The following DPYD variants were observed in gnomAD, a reference collection of about 807,000 sequenced individuals.
The protein encoded by DPYD is dihydropyrimidine dehydrogenase [NADP(+)].
In DPYD, 109 loss-of-function variants were observed where a neutral mutation model predicts 116.2. The ratio of observed to expected loss-of-function variants is 0.94; its 90% confidence interval spans 0.80 to 1.10. The LOEUF (loss-of-function observed/expected upper bound fraction) is 1.10, where lower values mean the gene tolerates loss of function less well. Among genes scored for constraint, DPYD ranks in the 50% least tolerant of loss-of-function variants. The pLI is 0.00. For missense variants in DPYD, 1,302 were observed against 1,254.5 expected (o/e 1.04, Z -0.57); for synonymous variants, 440 against 432.0 (o/e 1.02, Z -0.23).
At chr1:97,217,123 G>A (rs951555923) in intron 19 of DPYD, among the ~76,000 whole-genome samples, 3 of 152,036 alleles carry the variant, frequency 2.0e-5, no homozygotes, top group Non-Finnish European at 2.9e-5. Flanking sequence ...CAGGAGAATC[G>A]CTTGAACACG....
intron 4 of DPYD, among the ~76,000 whole-genome samples, chr1:97,735,727 T>TAAAA (rs922817947): frequency 7.6e-4 from 100 of 131,026 alleles, no homozygotes; most frequent in Non-Finnish European, 1.4e-3. Flanking sequence ...AATAAATAAA[T>TAAAA]AAAACAATAA....
chr1:97,278,183 T>C (rs1451644307), intron 18 of DPYD, among the ~76,000 whole-genome samples: 2 of 152,220 alleles, frequency 1.3e-5, no homozygotes, highest in East Asian at 3.8e-4. Flanking sequence ...TTCTAAAATG[T>C]TTCTTTCTGT....
At chr1:97,349,945 C>CAAA (rs71939887) in intron 16 of DPYD, among the ~76,000 whole-genome samples, 76,899 of 134,426 alleles carry the variant, frequency 0.57, 24,388 homozygotes, top group Non-Finnish European at 0.71. Flanking sequence ...TAAAAGAATC[C>CAAA]AAAAAAAAAA....
At chr1:97,758,856 T>A (rs191860195) in intron 3 of DPYD, among the ~76,000 whole-genome samples, 1 of 152,118 alleles carries the variant, frequency 6.6e-6, no homozygotes, top group African/African-American at 2.4e-5. Context: ...AACCAAAAGA[T>A]CTGGTCTGGA....
At chr1:97,278,451 T>G (rs531379148) in intron 18 of DPYD, among the ~76,000 whole-genome samples, 113 of 152,310 alleles carry the variant, frequency 7.4e-4, no homozygotes, top group Non-Finnish European at 1.3e-3. Context: ...CCATTGTTGT[T>G]GATAATGTGC....
At chr1:97,323,643 GTGT>G (rs1668537730) in intron 16 of DPYD, among the ~76,000 whole-genome samples, 1 of 45,272 alleles carries the variant, frequency 2.2e-5, no homozygotes, top group Non-Finnish European at 5.2e-5. Flanking sequence ...ATACATATAT[GTGT>G]ATATATACAC....
intron 8 of DPYD, among the ~76,000 whole-genome samples, chr1:97,642,758 C>T (rs904584922): frequency 2.0e-4 from 29 of 147,204 alleles, no homozygotes; most frequent in Middle Eastern, 3.3e-3. Context: ...GGAGGGATAG[C>T]TTTAGGAGAT....
chr1:97,307,799 A>G (rs1017138597), intron 16 of DPYD, among the ~76,000 whole-genome samples: 3 of 151,970 alleles, frequency 2.0e-5, no homozygotes, highest in African/African-American at 7.2e-5. Flanking sequence ...TGAAATATTT[A>G]TAACCACTGC....
chr1:97,453,253 A>G (rs968575937), intron 13 of DPYD, among the ~76,000 whole-genome samples: 1 of 152,066 alleles, frequency 6.6e-6, no homozygotes, highest in Non-Finnish European at 1.5e-5. Flanking sequence ...TAGGATTTAA[A>G]TAGAATGCCC....
At chr1:97,128,334 A>AT (rs896474274) in intron 20 of DPYD, among the ~76,000 whole-genome samples, 21 of 151,598 alleles carry the variant, frequency 1.4e-4, no homozygotes, top group South Asian at 4.2e-4. Flanking sequence ...GCCATTGCTG[A>AT]TTTTTTTTTA....
At chr1:97,790,953 T>C (rs955483559) in intron 3 of DPYD, among the ~76,000 whole-genome samples, 8 of 152,222 alleles carry the variant, frequency 5.3e-5, no homozygotes, top group Non-Finnish European at 2.9e-5. Context: ...ATTTTATGAA[T>C]AGATAAGTTA....
intron 14 of DPYD, among the ~76,000 whole-genome samples, chr1:97,438,830 A>T (rs894613643): frequency 6.6e-6 from 1 of 152,108 alleles, no homozygotes; most frequent in Non-Finnish European, 1.5e-5. Flanking sequence ...CAGATAATCA[A>T]ATTGTATATA....
Position 97,828,265 on chromosome 1 carries a change from C to T in DPYD, c.151-69G>A, listed in dbSNP as rs115632870. On this transcript the variant is annotated intron_variant, in intron 2 of 22. Coordinates refer to ENST00000370192, the MANE Select transcript of DPYD (RefSeq NM_000110.4). ...GAAAAATTGTATCTATGCAGTTATG[C>T]AAAAATGTAATTGATTATATTGATC... 1,821 of 1,422,066 alleles carry T rather than the reference C, an allele frequency of 1.3e-3. 24 individuals are homozygous for T. In the African/African-American group the frequency reaches 0.023, roughly 18 times the overall value. 88.1% of individuals were successfully genotyped at this position (1,422,066 alleles called of 1,614,324 possible).
chr1:97,409,145 G>A (rs1488292739), intron 14 of DPYD, among the ~76,000 whole-genome samples: 1 of 152,012 alleles, frequency 6.6e-6, no homozygotes, highest in Non-Finnish European at 1.5e-5. Context: ...AGAGAACGCT[G>A]ACTAATACAA....
At chr1:97,593,133 C>T (rs891142057) in intron 10 of DPYD, 85 bp downstream of exon 10, 3 of 1,489,920 alleles carry the variant, frequency 2.0e-6, no homozygotes, top group East Asian at 4.5e-5. Context: ...ACAATTTCAA[C>T]ATTCTAGCGA....
At chr1:97,112,735 T>G (rs1362642331) in intron 20 of DPYD, among the ~76,000 whole-genome samples, 11 of 152,112 alleles carry the variant, frequency 7.2e-5, no homozygotes, top group Non-Finnish European at 1.3e-4. Flanking sequence ...ACTCTCTAAC[T>G]AGAACATGAA....
intron 8 of DPYD, among the ~76,000 whole-genome samples, chr1:97,607,711 G>T (rs773693308): frequency 6.6e-6 from 1 of 151,872 alleles, no homozygotes; most frequent in Non-Finnish European, 1.5e-5. Flanking sequence ...AAAGCGGCAT[G>T]CTGGAAGTCA....
intron 16 of DPYD, among the ~76,000 whole-genome samples, chr1:97,334,544 A>G (rs982302197): frequency 5.9e-5 from 9 of 152,232 alleles, no homozygotes; most frequent in Admixed American, 5.9e-4. Context: ...AGTCGCTTTC[A>G]GGCTAGGAGC....
intron 2 of DPYD, among the ~76,000 whole-genome samples, chr1:97,834,681 G>T (rs924318535): frequency 6.6e-6 from 1 of 151,560 alleles, no homozygotes; most frequent in East Asian, 1.9e-4. Context: ...TTTTCTTTAG[G>T]ACATAAAGTA....
Sources: gnomAD v4.1 joint callset for allele counts (sites outside exome capture counted in the v4.1 genomes callset) on GRCh38, gnomAD v4.1.1 for gene constraint, MANE v1.5 for transcripts, NCBI Gene and HGNC (gene_info 2026-07-23, HGNC 2026-07-21) for gene names.